The following LIPA variants were observed in gnomAD, a reference collection of about 807,000 sequenced individuals.
The protein encoded by LIPA is lysosomal acid lipase/cholesteryl ester hydrolase.
In LIPA, 26 loss-of-function variants were observed where a neutral mutation model predicts 40.6. That is an observed-to-expected ratio of 0.64 (90% CI 0.47 to 0.89). The LOEUF (loss-of-function observed/expected upper bound fraction) is 0.89, where lower values mean the gene tolerates loss of function less well. Among genes scored for constraint, LIPA ranks in the 40% least tolerant of loss-of-function variants. LIPA has a pLI of 0.00. For missense variants in LIPA, 455 were observed against 479.6 expected (o/e 0.95, Z 0.48); for synonymous variants, 188 against 168.4 (o/e 1.12, Z -0.90).
chr10:89,310,644 G>T (rs1000267929), intron 1 of LIPA, among the ~76,000 whole-genome samples: 2 of 152,206 alleles, frequency 1.3e-5, no homozygotes, highest in Non-Finnish European at 2.9e-5. Context: ...GATGTACCTA[G>T]GTGCATGCAC....
intron 2 of LIPA, among the ~76,000 whole-genome samples, chr10:89,391,201 A>G (rs1200183879): frequency 6.6e-6 from 1 of 152,188 alleles, no homozygotes; most frequent in African/African-American, 2.4e-5. Flanking sequence ...TTTAAAGGAA[A>G]CATTGTTTTT....
At chr10:89,273,562 A>G (rs922146087) in intron 1 of LIPA, among the ~76,000 whole-genome samples, 1 of 152,178 alleles carries the variant, frequency 6.6e-6, no homozygotes, top group Non-Finnish European at 1.5e-5. Flanking sequence ...ACACCCTGGA[A>G]AGTGTTGTGC....
At chr10:89,289,819 T>C (rs962495751) in intron 1 of LIPA, among the ~76,000 whole-genome samples, 1 of 152,166 alleles carries the variant, frequency 6.6e-6, no homozygotes, top group Non-Finnish European at 1.5e-5. Flanking sequence ...CTTACTCTTA[T>C]TCTCGTTCCC....
chr10:89,290,261 A>C (rs1042423390), intron 1 of LIPA, among the ~76,000 whole-genome samples: 13 of 151,896 alleles, frequency 8.6e-5, no homozygotes, highest in African/African-American at 3.1e-4. Context: ...TAGTTTCTCA[A>C]TTCATCCAAA....
intron 1 of LIPA, among the ~76,000 whole-genome samples, chr10:89,287,972 T>C (rs1843350680): frequency 6.6e-6 from 1 of 152,242 alleles, no homozygotes. Flanking sequence ...CTTTCTTTAC[T>C]ATTCCTTTGC....
intron 3 of LIPA, among the ~76,000 whole-genome samples, chr10:89,242,069 A>T (rs758525796): frequency 1.3e-5 from 2 of 152,208 alleles, no homozygotes; most frequent in Non-Finnish European, 2.9e-5. Flanking sequence ...TTTAAAAAAA[A>T]ACAAAAATCC....
At chr10:89,337,908 T>C (rs1843770844) in intron 1 of LIPA, among the ~76,000 whole-genome samples, 1 of 152,186 alleles carries the variant, frequency 6.6e-6, no homozygotes, top group Admixed American at 6.5e-5. Flanking sequence ...AAAGTGATAA[T>C]TCCATTCTTG....
chr10:89,310,701 G>A (rs1843510785), intron 1 of LIPA, among the ~76,000 whole-genome samples: 1 of 152,146 alleles, frequency 6.6e-6, no homozygotes, highest in Admixed American at 6.5e-5. Context: ...CCCTTCAGCT[G>A]CTTTACATAC....
intron 1 of LIPA, among the ~76,000 whole-genome samples, chr10:89,283,155 C>A (rs1293705761): frequency 6.6e-6 from 1 of 152,232 alleles, no homozygotes; most frequent in Non-Finnish European, 1.5e-5. Flanking sequence ...AGACTGTAAC[C>A]TACTCCTGTG....
intron 1 of LIPA, among the ~76,000 whole-genome samples, chr10:89,314,302 A>G (rs1432872108): frequency 6.6e-6 from 1 of 152,260 alleles, no homozygotes; most frequent in Non-Finnish European, 1.5e-5. Flanking sequence ...TGGCACAAAG[A>G]AAGAGTCCAA....
chr10:89,322,857 G>T (rs1440487415), intron 1 of LIPA, among the ~76,000 whole-genome samples: 3 of 152,164 alleles, frequency 2.0e-5, no homozygotes, highest in Admixed American at 1.3e-4. Context: ...GAAGCACCTG[G>T]AGGGCAAGAC....
chr10:89,344,392 G>C (rs958059794), upstream of LIPA, among the ~76,000 whole-genome samples: 1 of 152,166 alleles, frequency 6.6e-6, no homozygotes, highest in Non-Finnish European at 1.5e-5. Flanking sequence ...GGGCCTGCAC[G>C]TGGTACATTG....
intron 1 of LIPA, among the ~76,000 whole-genome samples, chr10:89,302,871 C>T (rs974872727): frequency 1.3e-5 from 2 of 152,142 alleles, no homozygotes; most frequent in Non-Finnish European, 2.9e-5. Context: ...AACCCTCATC[C>T]TGGGAGCTCT....
At chr10:89,256,685 G>C (rs11599741), upstream of LIPA, among the ~76,000 whole-genome samples, 9,909 of 152,300 alleles carry the variant, frequency 0.065, 370 homozygotes, top group Middle Eastern at 0.14. Context: ...TGAGGATTAA[G>C]TGAGACACTG....
In LIPA at chr10:89,383,355, G is replaced by A. The variant is rs376672887; in HGVS notation, c.61+29436C>T. ...ATGGAAAGCTTATTGAAGACAGCCT[G>A]ATTCAGCTGAGATGTCACTTTACAT... On this transcript the variant is annotated intron_variant, in intron 2 of 8. Transcript: ENST00000371837. The A allele has an allele frequency of 4.3e-6, 7 of 1,613,974 alleles. No homozygotes were observed. The African/African-American group carries it at 9.3e-5, about 22-fold the overall frequency.
chr10:89,247,417 A>C, intron 2 of LIPA, 121 bp downstream of exon 2: 1 of 583,784 alleles, frequency 1.7e-6, no homozygotes, highest in Non-Finnish European at 3.1e-6. Flanking sequence ...AAAAATTCAG[A>C]GAAATTGAAA....
chr10:89,218,345 A>G (rs1842654421), intron 8 of LIPA, among the ~76,000 whole-genome samples: 1 of 152,250 alleles, frequency 6.6e-6, no homozygotes, highest in Non-Finnish European at 1.5e-5. Flanking sequence ...ACTGCAAAAA[A>G]CAAAATGATA....
chr10:89,326,960 A>G (rs1406176718), intron 1 of LIPA, among the ~76,000 whole-genome samples: 3 of 152,230 alleles, frequency 2.0e-5, no homozygotes, highest in African/African-American at 7.2e-5. Flanking sequence ...TAAGGCATCA[A>G]TCAATACATG....
At position 89,226,929 on chromosome 10, in the gene LIPA, C is replaced by A. The variant is rs2133433160; in HGVS notation, c.504G>T (p.Val168=). ...FILNKTGQEQ[V]YYVGHSQGTT... is the part of the protein sequence containing the mutation. The stretch of plus-strand genomic sequence containing the variant: ...TGCCTTGAGAATGACCCACATAATA[C>A]ACTTGTTCTTGGCCAGTTTTATTCA... The change falls in exon 5 of 10, where the codon GTG becomes GTT. Residue 168 remains valine, a synonymous_variant. Coordinates refer to ENST00000336233, the MANE Select transcript of LIPA (RefSeq NM_000235.4). 3 of 1,611,220 alleles carry A rather than the reference C, an allele frequency of 1.9e-6. No individual in the cohort carries two copies. The highest frequency in any genetic ancestry group is 2.5e-6 in the Non-Finnish European group (3 of 1,177,596).
Sources: allele counts gnomAD v4.1 joint callset (sites outside exome capture counted in the v4.1 genomes callset), GRCh38; gene constraint gnomAD v4.1.1; transcripts MANE v1.5; gene names NCBI Gene and HGNC (gene_info 2026-07-23, HGNC 2026-07-21).